The following TSHZ2 variants were observed in gnomAD, a reference collection of about 807,000 sequenced individuals.
The protein encoded by TSHZ2 is teashirt homolog 2.
In TSHZ2, 21 loss-of-function variants were observed where a neutral mutation model predicts 74.4. That is an observed-to-expected ratio of 0.28 (90% CI 0.20 to 0.41). The LOEUF (loss-of-function observed/expected upper bound fraction) is 0.41, where lower values mean the gene tolerates loss of function less well. TSHZ2 is among the 10% of genes least tolerant of loss of function. The pLI is 1.00. For synonymous variants in TSHZ2, 540 were observed against 515.3 expected, an observed-to-expected ratio of 1.05 and a Z score of -0.65; for missense variants, 1,244 against 1,293.5, an observed-to-expected ratio of 0.96 and a Z score of 0.59.
chr20:53,357,794 T>C (rs1953675272), intron 2 of TSHZ2, among the ~76,000 whole-genome samples: 1 of 152,208 alleles, frequency 6.6e-6, no homozygotes, highest in African/African-American at 2.4e-5. Context: ...ATCTTTGAGC[T>C]ACCAGACAAG....
At chr20:53,299,006 AG>A in intron 2 of TSHZ2, among the ~76,000 whole-genome samples, 1 of 152,194 alleles carries the variant, frequency 6.6e-6, no homozygotes, top group Non-Finnish European at 1.5e-5. Context: ...TCTGCTTTCC[AG>A]CTCCTGTGAA....
At position 53,116,796 on chromosome 20, in the gene TSHZ2, G is replaced by A. The variant is rs1227508852; in HGVS notation, c.41-136703G>A. On this transcript the variant is annotated intron_variant, in intron 1 of 2. Transcript: ENST00000371497. ...ATTTTTTAATTCTGCCAACGAGAAG[G>A]TCAATGATACAGCTGTATGTATTTG... Among the ~76,000 whole-genome samples, 7 of 152,254 alleles carry A rather than the reference G, an allele frequency of 4.6e-5. No homozygotes were observed. In the East Asian group the frequency reaches 1.3e-3, roughly 29 times the overall value.
chr20:53,259,945 T>A (rs1247715712), intron 2 of TSHZ2, among the ~76,000 whole-genome samples: 6 of 152,212 alleles, frequency 3.9e-5, no homozygotes, highest in Admixed American at 2.6e-4. Context: ...CAAATTAATA[T>A]CTATTAATGG....
chr20:53,050,132 T>TAC (rs1555819318), intron 1 of TSHZ2, among the ~76,000 whole-genome samples: 3 of 94,516 alleles, frequency 3.2e-5, no homozygotes, highest in African/African-American at 7.8e-5. Flanking sequence ...TATACACATA[T>TAC]ATATATGTGT....
rs900702521 is a variant in TSHZ2, at chr20:53,095,528, T to C, written c.40+122195T>C. On this transcript the variant is annotated intron_variant, in intron 1 of 2. Coordinates refer to ENST00000371497, the MANE Select transcript of TSHZ2 (RefSeq NM_173485.6). Reference sequence around the variant, plus strand: ...AAGATATTATTAGAAGCAGCATGAATAGGTGGCAGGGAACAACAACAGCAG... The same window carrying C: ...AAGATATTATTAGAAGCAGCATGAACAGGTGGCAGGGAACAACAACAGCAG... Among the ~76,000 whole-genome samples, 12 of 151,932 alleles carry C rather than the reference T, an allele frequency of 7.9e-5. No individual in the cohort carries two copies. The East Asian group carries it at 2.3e-3, about 29-fold the overall frequency.
At position 53,340,173 on chromosome 20, in the gene TSHZ2, C is replaced by CTTTTTTTTTTTTT. The variant is rs1285149762; in HGVS notation, c.*8+83605_*8+83606insTTTTTTTTTTTTT. The stretch of plus-strand genomic sequence containing the variant: ...GCTAGGATAAAACAAGGTGACTTTT[C>CTTTTTTTTTTTTT]TTTCTTTTTTCTTTTTTTTTTTTTT... On this transcript the variant is annotated intron_variant, in intron 2 of 2. Transcript: ENST00000371497. Among the ~76,000 whole-genome samples, 42 of 62,106 alleles carry CTTTTTTTTTTTTT rather than the reference C, an allele frequency of 6.8e-4. 7 individuals carry two copies. Among genetic ancestry groups the CTTTTTTTTTTTTT allele is most frequent in the African/African-American group, 3.3e-3 (41 of 12,598 alleles). The allele number at this position is 62,106 out of a possible 152,430, so 40.7% of individuals were successfully genotyped here.
chr20:53,158,684 C>T (rs1026815593), intron 1 of TSHZ2, among the ~76,000 whole-genome samples: 1 of 152,144 alleles, frequency 6.6e-6, no homozygotes, highest in African/African-American at 2.4e-5. Context: ...AGTGTCGGGC[C>T]CTGGAACGCT....
chr20:53,197,768 C>G (rs1052838678), intron 1 of TSHZ2, among the ~76,000 whole-genome samples: 1 of 152,216 alleles, frequency 6.6e-6, no homozygotes, highest in Non-Finnish European at 1.5e-5. Flanking sequence ...CCAGAACAGA[C>G]AAACATTTGA....
At position 53,096,906 on chromosome 20, in the gene TSHZ2, C is replaced by CA. The variant is rs1339953557; in HGVS notation, c.40+123581dup. Among the ~76,000 whole-genome samples the CA allele has an allele frequency of 1.9e-3, 267 of 142,982 alleles. 1 individual carries two copies. Among genetic ancestry groups the CA allele is most frequent in the Middle Eastern group, 7.0e-3 (2 of 284 alleles). 93.8% of individuals were successfully genotyped at this position (142,982 alleles called of 152,430 possible). ...AAAACAAACAAAAAAACCCAAAAAC[C>CA]AAAAAAAACAAAAAACAAAACAAAA... On this transcript the variant is annotated intron_variant, in intron 1 of 2. Coordinates refer to ENST00000371497, the MANE Select transcript of TSHZ2 (RefSeq NM_173485.6).
chr20:53,338,732 C>T (rs1980058306), intron 2 of TSHZ2, among the ~76,000 whole-genome samples: 1 of 144,522 alleles, frequency 6.9e-6, no homozygotes, highest in Non-Finnish European at 1.5e-5. Flanking sequence ...GTCAGGAGTA[C>T]TCAGCTCCAA....
At chr20:52,999,185 G>T (rs924490497) in intron 1 of TSHZ2, among the ~76,000 whole-genome samples, 2 of 152,148 alleles carry the variant, frequency 1.3e-5, no homozygotes, top group Non-Finnish European at 2.9e-5. Flanking sequence ...GAATCAGAGT[G>T]GTTCTCCAAG....
intron 2 of TSHZ2, among the ~76,000 whole-genome samples, chr20:53,334,582 G>C (rs1299922691): frequency 6.6e-6 from 1 of 152,192 alleles, no homozygotes; most frequent in Non-Finnish European, 1.5e-5. Context: ...CGGCCAAGGG[G>C]AGAAGCACTG....
chr20:53,258,285 T>TTCAACAGCG (rs1990525366), intron 2 of TSHZ2, among the ~76,000 whole-genome samples: 1 of 151,864 alleles, frequency 6.6e-6, no homozygotes, highest in African/African-American at 2.4e-5. Context: ...GAGCTTGGGG[T>TTCAACAGCG]TCAACAGCGT....
At chr20:53,122,396 A>G (rs1986836426) in intron 1 of TSHZ2, among the ~76,000 whole-genome samples, 1 of 152,130 alleles carries the variant, frequency 6.6e-6, no homozygotes, top group African/African-American at 2.4e-5. Context: ...CATCTAGTTG[A>G]GTATGTTTTA....
chr20:53,266,374 T>C (rs1990717074), intron 2 of TSHZ2, among the ~76,000 whole-genome samples: 1 of 152,210 alleles, frequency 6.6e-6, no homozygotes, highest in Non-Finnish European at 1.5e-5. Flanking sequence ...AATTGTTTTC[T>C]CATTTTCACT....
chr20:53,115,459 A>G (rs542569397), intron 1 of TSHZ2, among the ~76,000 whole-genome samples: 12 of 152,260 alleles, frequency 7.9e-5, no homozygotes, highest in African/African-American at 2.9e-4. Context: ...CATGTAAGAC[A>G]TGCCTTTGCT....
chr20:53,280,756 G>A (rs905742875), intron 2 of TSHZ2, among the ~76,000 whole-genome samples: 8 of 151,792 alleles, frequency 5.3e-5, no homozygotes, highest in Admixed American at 3.3e-4. Context: ...ACAGTGGCGC[G>A]ATCTCAGCTC....
chr20:53,141,040 G>A (rs1189264964), intron 1 of TSHZ2, among the ~76,000 whole-genome samples: 1 of 152,210 alleles, frequency 6.6e-6, no homozygotes, highest in Non-Finnish European at 1.5e-5. Flanking sequence ...CATCTTAAAT[G>A]AGGTAGGCGG....
chr20:53,388,637 A>G (rs1982139585), intron 2 of TSHZ2, among the ~76,000 whole-genome samples: 1 of 137,960 alleles, frequency 7.2e-6, no homozygotes. Flanking sequence ...TCTGTTGCCC[A>G]GGCGACCTTG....
Sources: gnomAD v4.1 joint callset for allele counts (sites outside exome capture counted in the v4.1 genomes callset) on GRCh38, gnomAD v4.1.1 for gene constraint, MANE v1.5 for transcripts, NCBI Gene and HGNC (gene_info 2026-07-23, HGNC 2026-07-21) for gene names.